The following ELMO1 variants were observed in gnomAD, a reference collection of about 807,000 sequenced individuals.
The protein encoded by ELMO1 is engulfment and cell motility protein 1.
Under a neutral mutation model 98.9 loss-of-function variants are expected in ELMO1, and 26 were observed. That is an observed-to-expected ratio of 0.26 (90% CI 0.19 to 0.36). ELMO1 has a LOEUF of 0.36. Among genes scored for constraint, ELMO1 ranks in the 10% least tolerant of loss-of-function variants. The probability of loss-of-function intolerance (pLI) is 1.00; values close to 1 mark genes in which losing one functional copy is unlikely to be tolerated. For missense variants in ELMO1, 627 were observed against 935.2 expected (o/e 0.67, Z 4.30); for synonymous variants, 346 against 346.0 (o/e 1.00, Z 0.00).
intron 1 of ELMO1, among the ~76,000 whole-genome samples, chr7:37,384,258 A>G (rs538638218): frequency 6.6e-6 from 1 of 152,372 alleles, no homozygotes; most frequent in Non-Finnish European, 1.5e-5. Flanking sequence ...CTGAAAACAA[A>G]TGACACGATT....
Position 36,861,687 on chromosome 7 carries a change from A to T in ELMO1, c.1955T>A (p.Leu652Gln). The change falls in exon 21 of 22, where the codon CTG becomes CAG. Residue 652 changes from leucine (L) to glutamine (Q), a missense_variant. Around this residue, in one of 3 missense-constraint regions of ELMO1, gnomAD observed 492 missense variants for 715.6 expected, o/e 0.69. Coordinates refer to ENST00000310758, the MANE Select transcript of ELMO1 (RefSeq NM_014800.11). ...ATGCTTGTCAGGAGCGATGAAGTTC[A>T]GTTGGCAGTTTGAGTCATACAAGAT... Reference protein sequence around the residue: ...FSILYDSNCQLNFIAPDKHEY... With the variant: ...FSILYDSNCQQNFIAPDKHEY... 6.2e-7 allele frequency: 1 copy of T among 1,613,262 alleles called. No homozygotes were observed. The highest frequency in any genetic ancestry group is 8.5e-7 in the Non-Finnish European group (1 of 1,179,832).
chr7:36,982,285 T>C (rs1791132139), intron 16 of ELMO1, among the ~76,000 whole-genome samples: 4 of 152,234 alleles, frequency 2.6e-5, no homozygotes, highest in Admixed American at 2.6e-4. Flanking sequence ...GTAAAACACA[T>C]GTCATATTTC....
At chr7:37,426,081 C>G (rs1583741260) in intron 1 of ELMO1, among the ~76,000 whole-genome samples, 1 of 150,812 alleles carries the variant, frequency 6.6e-6, no homozygotes, top group South Asian at 2.1e-4. Context: ...TGGCCCTGGG[C>G]AAGTTACCCA....
intron 13 of ELMO1, among the ~76,000 whole-genome samples, chr7:37,149,711 A>G (rs183165847): frequency 6.6e-6 from 1 of 152,324 alleles, no homozygotes; most frequent in East Asian, 1.9e-4. Flanking sequence ...AAACATTTGC[A>G]GACTCTTGTT....
chr7:37,399,268 C>A (rs1172017845), intron 1 of ELMO1, among the ~76,000 whole-genome samples: 1 of 152,230 alleles, frequency 6.6e-6, no homozygotes, highest in Non-Finnish European at 1.5e-5. Flanking sequence ...GGGAGCAAAT[C>A]TCTCCCGGGA....
At chr7:37,434,338 G>A (rs1002628605) in intron 1 of ELMO1, among the ~76,000 whole-genome samples, 2 of 152,014 alleles carry the variant, frequency 1.3e-5, no homozygotes, top group Admixed American at 6.6e-5. Context: ...CTGTTTCCTG[G>A]GTCCCCAGTG....
At chr7:37,213,811 G>A (rs1253218892) in intron 11 of ELMO1, among the ~76,000 whole-genome samples, 4 of 152,196 alleles carry the variant, frequency 2.6e-5, no homozygotes, top group Non-Finnish European at 4.4e-5. Flanking sequence ...TCTGTCACAC[G>A]CAGCAGAAAA....
chr7:37,065,050 CA>C (rs1796880145), intron 15 of ELMO1, among the ~76,000 whole-genome samples: 1 of 152,070 alleles, frequency 6.6e-6, no homozygotes, highest in African/African-American at 2.4e-5. Context: ...CTCATCTTTA[CA>C]AAAACTCACT....
At chr7:37,118,087 T>G (rs752587183) in intron 14 of ELMO1, among the ~76,000 whole-genome samples, 21 of 152,230 alleles carry the variant, frequency 1.4e-4, no homozygotes, top group Non-Finnish European at 2.8e-4. Context: ...TTAAGTTTAA[T>G]TGCACATTAC....
intron 18 of ELMO1, among the ~76,000 whole-genome samples, 190 bp downstream of exon 18, chr7:36,887,370 C>T (rs772281164): frequency 3.0e-4 from 45 of 152,304 alleles, no homozygotes; most frequent in South Asian, 8.3e-4. Flanking sequence ...TTCTGTGGCT[C>T]TTCTGGTAAT....
intron 1 of ELMO1, among the ~76,000 whole-genome samples, chr7:37,432,686 G>A (rs1295308256): frequency 6.6e-6 from 1 of 152,238 alleles, no homozygotes; most frequent in East Asian, 1.9e-4. Flanking sequence ...CACACATGTG[G>A]TAAAAATCCC....
chr7:36,943,864 C>T (rs957901033), intron 16 of ELMO1, among the ~76,000 whole-genome samples: 2 of 152,160 alleles, frequency 1.3e-5, no homozygotes, highest in Non-Finnish European at 2.9e-5. Context: ...GAAAGTCATG[C>T]TAACTTCTGC....
intron 16 of ELMO1, among the ~76,000 whole-genome samples, chr7:36,953,068 C>T (rs1343914228): frequency 6.6e-6 from 1 of 150,958 alleles, no homozygotes; most frequent in African/African-American, 2.4e-5. Context: ...CGGGTTCACG[C>T]CATTCTCCTG....
chr7:36,956,634 T>C (rs909528047), intron 16 of ELMO1, among the ~76,000 whole-genome samples: 12 of 152,244 alleles, frequency 7.9e-5, no homozygotes, highest in Admixed American at 2.0e-4. Context: ...ACTTGAAGAC[T>C]ACCAAGTGAT....
chr7:37,332,311 A>G (rs1013152850), intron 2 of ELMO1, among the ~76,000 whole-genome samples: 2 of 152,262 alleles, frequency 1.3e-5, no homozygotes, highest in Non-Finnish European at 2.9e-5. Flanking sequence ...GTATCAATAG[A>G]CAGAAAAAGT....
At chr7:37,152,226 G>A (rs1041469741) in intron 13 of ELMO1, among the ~76,000 whole-genome samples, 5 of 152,168 alleles carry the variant, frequency 3.3e-5, no homozygotes, top group Non-Finnish European at 5.9e-5. Context: ...CAGAGGAAGC[G>A]GTGCCTGAAA....
chr7:37,069,950 T>C (rs892970248), intron 15 of ELMO1, among the ~76,000 whole-genome samples: 1 of 152,186 alleles, frequency 6.6e-6, no homozygotes, highest in African/African-American at 2.4e-5. Context: ...AAATCCTAGA[T>C]TTGCTTGAAA....
In ELMO1 at chr7:36,976,158, A is replaced by G. The variant is rs557528943; in HGVS notation, c.1437+37141T>C. Among the ~76,000 whole-genome samples, 56 of 152,344 alleles carry G rather than the reference A, an allele frequency of 3.7e-4. No homozygotes were observed. In the South Asian group the frequency reaches 0.012, roughly 32 times the overall value. On this transcript the variant is annotated intron_variant, in intron 16 of 21. Coordinates refer to ENST00000310758, the MANE Select transcript of ELMO1 (RefSeq NM_014800.11). ...GCACAGATGTGTCCCAATAAAATGT[A>G]TTTACAAGTCCAGGGAGTGGGCCAT...
chr7:36,885,557 G>C (rs987709369), intron 18 of ELMO1, among the ~76,000 whole-genome samples: 5 of 152,260 alleles, frequency 3.3e-5, no homozygotes, highest in African/African-American at 9.6e-5. Flanking sequence ...AAACTTCTGT[G>C]CCCTTTGCCC....
Sources: gnomAD v4.1 joint callset for allele counts (sites outside exome capture counted in the v4.1 genomes callset) on GRCh38, gnomAD v4.1.1 for gene constraint, gnomAD v4.1.1 regional missense constraint, MANE v1.5 for transcripts, NCBI Gene and HGNC (gene_info 2026-07-23, HGNC 2026-07-21) for gene names.